TMEM108: variants seen among roughly 807,000 people sequenced by gnomAD.
The protein encoded by TMEM108 is transmembrane protein 108.
Under a neutral mutation model 35.1 loss-of-function variants are expected in TMEM108, and 12 were observed. The ratio of observed to expected loss-of-function variants is 0.34; its 90% CI spans 0.22 to 0.55. The LOEUF is 0.55. TMEM108 is among the 20% of genes least tolerant of loss of function. The pLI, the probability that TMEM108 is intolerant of heterozygous loss-of-function variation, is 0.89. For missense variants in TMEM108, 680 were observed against 753.3 expected, an observed-to-expected ratio of 0.90 and a Z score of 1.14; for synonymous variants, 287 against 308.6, an observed-to-expected ratio of 0.93 and a Z score of 0.73.
chr3:133,125,986 G>A (rs1342779120), intron 2 of TMEM108, among the ~76,000 whole-genome samples: 10 of 152,104 alleles, frequency 6.6e-5, no homozygotes, highest in Admixed American at 4.6e-4. Context: ...ACAGTTGACC[G>A]TATGCTGGCT....
chr3:133,130,099 A>G (rs964371409), intron 2 of TMEM108, among the ~76,000 whole-genome samples: 7 of 152,154 alleles, frequency 4.6e-5, no homozygotes, highest in Non-Finnish European at 8.8e-5. Flanking sequence ...TTTAACTTTC[A>G]GAAGTGGTGC....
intron 2 of TMEM108, among the ~76,000 whole-genome samples, chr3:133,226,801 T>C (rs1946077478): frequency 6.6e-6 from 1 of 152,188 alleles, no homozygotes; most frequent in South Asian, 2.1e-4. Context: ...GTTTTCACAC[T>C]ACTAATAAAG....
chr3:133,299,943 G>A (rs1342337418), intron 3 of TMEM108, among the ~76,000 whole-genome samples: 1 of 152,150 alleles, frequency 6.6e-6, no homozygotes, highest in African/African-American at 2.4e-5. Flanking sequence ...GTGGAGAAAA[G>A]TGGAATGTCA....
intron 2 of TMEM108, among the ~76,000 whole-genome samples, chr3:133,174,174 G>A (rs1451389406): frequency 6.6e-6 from 1 of 152,256 alleles, no homozygotes; most frequent in Non-Finnish European, 1.5e-5. Flanking sequence ...AATCAAAGCA[G>A]CCGGGAAGCT....
chr3:133,042,784 A>G (rs568616718), intron 1 of TMEM108, among the ~76,000 whole-genome samples: 13 of 152,340 alleles, frequency 8.5e-5, no homozygotes, highest in African/African-American at 3.1e-4. Context: ...GTGGCAGAGA[A>G]CTAGTTAGAG....
At chr3:133,328,653 T>C (rs2071359123) in intron 3 of TMEM108, among the ~76,000 whole-genome samples, 1 of 152,110 alleles carries the variant, frequency 6.6e-6, no homozygotes, top group Non-Finnish European at 1.5e-5. Context: ...CAGAGGTGGA[T>C]TTTCCTAACC....
chr3:133,049,744 C>T (rs1448205759), intron 2 of TMEM108, among the ~76,000 whole-genome samples: 3 of 152,138 alleles, frequency 2.0e-5, no homozygotes, highest in East Asian at 1.9e-4. Flanking sequence ...CCTGACCCTT[C>T]GTGGTGAGGC....
chr3:133,372,333 C>T (rs2072700522), intron 3 of TMEM108, among the ~76,000 whole-genome samples: 1 of 152,114 alleles, frequency 6.6e-6, no homozygotes, highest in Admixed American at 6.5e-5. Context: ...GTCATTTTGA[C>T]CTCAGACAAA....
At position 133,126,335 on chromosome 3, in the gene TMEM108, C is replaced by T. The variant is rs1427267525; in HGVS notation, c.-47+80315C>T. ...TACAAAAATTAGCCAGGCATGGTGG[C>T]GAGCACCTGTAGTACCAGCTACTCG... On this transcript the variant is annotated intron_variant, in intron 2 of 5. Coordinates refer to ENST00000321871, the MANE Select transcript of TMEM108 (RefSeq NM_023943.4). Among the ~76,000 whole-genome samples the T allele has an allele frequency of 5.9e-5, 9 of 151,974 alleles. No individual in the cohort carries two copies. The East Asian group carries it at 7.7e-4, about 13-fold the overall frequency.
chr3:133,393,511 A>C lies in TMEM108; in HGVS notation c.1606-2353A>C, dbSNP rs78262288. ...ATGAACTATAAATGTTGTTCACCAC[A>C]ATTTACCCATCACCCAGTCAGAGCC... On this transcript the variant is annotated intron_variant, in intron 5 of 5. Transcript: ENST00000321871. Among the ~76,000 whole-genome samples, 301 of 152,346 alleles carry C rather than the reference A, an allele frequency of 2.0e-3. 6 individuals carry two copies. In the East Asian group the frequency reaches 0.055, roughly 28 times the overall value.
chr3:133,395,678 C>T (rs983582750), intron 5 of TMEM108, among the ~76,000 whole-genome samples, 186 bp from the exon 6 acceptor site: 5 of 152,124 alleles, frequency 3.3e-5, no homozygotes, highest in Non-Finnish European at 7.3e-5. Context: ...CATACACACA[C>T]ACACACAAAT....
chr3:133,370,871 AGTGTGTGTGTGTGTGT>A (rs71624013), intron 3 of TMEM108, among the ~76,000 whole-genome samples: 1,338 of 125,544 alleles, frequency 0.011, 18 homozygotes, highest in African/African-American at 0.026. Context: ...CCCAGCCCAT[AGTGTGTGTGTGTGTGT>A]GTGTGTGTGT....
chr3:133,180,069 T>C lies in TMEM108; in HGVS notation c.-46-49197T>C, dbSNP rs545291242. ...TAAGACTCCCTTGGATTAAGGCTTA[T>C]AATATATTCTAGTATTTCAAGTTTA... is the stretch of plus-strand genomic sequence containing the variant. On this transcript the variant is annotated intron_variant, in intron 2 of 5. Coordinates refer to ENST00000321871, the MANE Select transcript of TMEM108 (RefSeq NM_023943.4). Among the ~76,000 whole-genome samples, 21 of 152,314 alleles carry C rather than the reference T, an allele frequency of 1.4e-4. No individual in the cohort carries two copies. The East Asian group carries it at 3.1e-3, about 22-fold the overall frequency.
At chr3:133,355,557 G>A (rs1227764968) in intron 3 of TMEM108, among the ~76,000 whole-genome samples, 1 of 152,220 alleles carries the variant, frequency 6.6e-6, no homozygotes, top group African/African-American at 2.4e-5. Context: ...AGAAGGGCAA[G>A]CAGACCAGCA....
At chr3:133,213,650 C>T (rs1391767216) in intron 2 of TMEM108, among the ~76,000 whole-genome samples, 2 of 152,148 alleles carry the variant, frequency 1.3e-5, no homozygotes, top group Non-Finnish European at 2.9e-5. Flanking sequence ...GTTTATGTAG[C>T]CAGAAACAAA....
chr3:133,248,822 A>G (rs1382904282), intron 3 of TMEM108, among the ~76,000 whole-genome samples: 1 of 152,180 alleles, frequency 6.6e-6, no homozygotes, highest in Non-Finnish European at 1.5e-5. Context: ...GTCTTGGATT[A>G]TTATAGCAAC....
rs1224787485 is a variant in TMEM108 at position 133,233,103 on chromosome 3, A to G, written c.40+3752A>G. Among the ~76,000 whole-genome samples the G allele has an allele frequency of 2.6e-5, 4 of 151,364 alleles. No homozygotes were observed. In the South Asian group the frequency reaches 8.3e-4, roughly 32 times the overall value. On this transcript the variant is annotated intron_variant, in intron 3 of 5. Coordinates refer to ENST00000321871, the MANE Select transcript of TMEM108 (RefSeq NM_023943.4). Reference sequence around the variant, plus strand: ...TGTGCACAATGTGCAGGTTAGTTACATATGTATACATGTGCCATGCTGGTG... The same window carrying G: ...TGTGCACAATGTGCAGGTTAGTTACGTATGTATACATGTGCCATGCTGGTG...
intron 2 of TMEM108, among the ~76,000 whole-genome samples, chr3:133,168,852 G>C (rs138049514): frequency 6.6e-6 from 1 of 152,084 alleles, no homozygotes; most frequent in Admixed American, 6.5e-5. Context: ...TCACTCCTGA[G>C]GCCAGCGAGA....
At chr3:133,178,446 G>A (rs1439216832) in intron 2 of TMEM108, among the ~76,000 whole-genome samples, 2 of 151,516 alleles carry the variant, frequency 1.3e-5, no homozygotes, top group East Asian at 3.8e-4. Flanking sequence ...GCATGGTACT[G>A]GTACCAAAAC....
Sources: allele counts gnomAD v4.1 joint callset (sites outside exome capture counted in the v4.1 genomes callset), GRCh38; gene constraint gnomAD v4.1.1; transcripts MANE v1.5; gene names NCBI Gene and HGNC (gene_info 2026-07-23, HGNC 2026-07-21).